SMIM13: variants seen among roughly 807,000 people sequenced by gnomAD.
SMIM13 encodes small integral membrane protein 13, also known as UPF0766 protein C6orf228.
In SMIM13, 3 loss-of-function variants were observed where a neutral mutation model predicts 5.9. The ratio of observed to expected loss-of-function variants is 0.51; its 90% CI spans 0.23 to 1.31. SMIM13 has a LOEUF of 1.31. Ranked by LOEUF, SMIM13 falls within the 40% of genes most tolerant of loss-of-function variation. The probability of loss-of-function intolerance (pLI) is 0.18; values close to 1 mark genes in which losing one functional copy is unlikely to be tolerated. For missense variants in SMIM13, 85 were observed against 109.9 expected (o/e 0.77, Z 1.01); for synonymous variants, 55 against 46.0 (o/e 1.19, Z -0.79).
At chr6:11,102,035 G>C (rs1758001400) in intron 1 of SMIM13, among the ~76,000 whole-genome samples, 1 of 152,132 alleles carries the variant, frequency 6.6e-6, no homozygotes, top group Non-Finnish European at 1.5e-5. Context: ...ACCACGCCTG[G>C]CCTCATCTTT....
At chr6:11,123,867 A>AT (rs889269421) in intron 1 of SMIM13, among the ~76,000 whole-genome samples, 40 of 152,260 alleles carry the variant, frequency 2.6e-4, no homozygotes, top group Non-Finnish European at 4.4e-4. Flanking sequence ...TATTGTATGT[A>AT]TTTTTTATTT....
intron 1 of SMIM13, among the ~76,000 whole-genome samples, chr6:11,098,168 C>T (rs992312798): frequency 4.6e-5 from 7 of 152,218 alleles, no homozygotes; most frequent in African/African-American, 1.4e-4. Context: ...ACTCCTTCAC[C>T]TAGTGAATTC....
At chr6:11,104,751 T>C (rs1239711861) in intron 1 of SMIM13, 3 of 1,614,254 alleles carry the variant, frequency 1.9e-6, no homozygotes, top group African/African-American at 2.7e-5. Flanking sequence ...GCTGGATTTA[T>C]CTAGCAAAGT....
chr6:11,103,265 T>C (rs745368811), intron 1 of SMIM13: 1 of 166,910 alleles, frequency 6.0e-6, no homozygotes. Context: ...AAGTGGCTGA[T>C]CACCAGCTTC....
At chr6:11,110,961 C>T (rs1017828509) in intron 1 of SMIM13, among the ~76,000 whole-genome samples, 8 of 152,124 alleles carry the variant, frequency 5.3e-5, no homozygotes, top group Non-Finnish European at 1.2e-4. Flanking sequence ...AAACATGGCC[C>T]TGGAGCATAA....
At position 11,134,868 on chromosome 6, in the gene SMIM13, G is replaced by A. The variant is rs1398839173; in HGVS notation, c.*266G>A. The A allele has an allele frequency of 7.5e-6, 2 of 266,378 alleles. No homozygotes were observed. Among genetic ancestry groups the A allele is most frequent in the Admixed American group, 1.0e-4 (2 of 19,498 alleles). The allele number at this position is 266,378 out of a possible 1,614,324, so 16.5% of individuals were successfully genotyped here. ...CTTTTGGGCTTATTTTCTTGCACTG[G>A]TGCAGATCTGGTAAACATTAAAGGC... On this transcript the variant is annotated 3_prime_UTR_variant, in exon 2 of 2. Transcript: ENST00000416247.
chr6:11,118,373 G>T lies in SMIM13; in HGVS notation c.77-16030G>T, dbSNP rs145175185. On this transcript the variant is annotated intron_variant, in intron 1 of 1. Coordinates refer to ENST00000416247, the MANE Select transcript of SMIM13 (RefSeq NM_001135575.2). ...CTCTTCAGAGCAGACATTGAGCTCT[G>T]TAATGAATCAATTGGTCAAATTAAT... 1.9e-3 allele frequency among the ~76,000 whole-genome samples: 291 copies of T among 152,326 alleles called. 3 individuals carry two copies. The highest frequency in any genetic ancestry group is 6.5e-3 in the African/African-American group (272 of 41,566).
chr6:11,103,568 C>G (rs1392835210), intron 1 of SMIM13: 6 of 1,392,586 alleles, frequency 4.3e-6, no homozygotes, highest in Non-Finnish European at 4.7e-6. Context: ...GTCTTGGCCT[C>G]TTGCTAGCTG....
chr6:11,123,888 A>G (rs1448221347), intron 1 of SMIM13, among the ~76,000 whole-genome samples: 1 of 152,228 alleles, frequency 6.6e-6, no homozygotes, highest in Non-Finnish European at 1.5e-5. Context: ...TTGTGGGTAC[A>G]TAGTAGGTAC....
chr6:11,129,183 C>T (rs1443743301), intron 1 of SMIM13, among the ~76,000 whole-genome samples: 2 of 152,068 alleles, frequency 1.3e-5, no homozygotes, highest in Non-Finnish European at 1.5e-5. Context: ...TTCATCCGCT[C>T]CCCACCTCAA....
Position 11,094,313 on chromosome 6 carries a change from G to C in SMIM13, c.-1G>C, listed in dbSNP as rs1179524970. On this transcript the variant is annotated 5_prime_UTR_variant, in exon 1 of 2. Coordinates refer to ENST00000416247, the MANE Select transcript of SMIM13 (RefSeq NM_001135575.2). ...GAGCCGACTGCCCTTCTGCCCCCAA[G>C]ATGTGGCACAGCGTCGGGCTGACTC... 1.3e-6 allele frequency: 2 copies of C among 1,495,006 alleles called. No homozygotes were observed. Among genetic ancestry groups the C allele is most frequent in the African/African-American group, 1.4e-5 (1 of 72,126 alleles). The allele number at this position is 1,495,006 out of a possible 1,614,324, so 92.6% of individuals were successfully genotyped here. A position where few individuals can be genotyped will look rare whatever the true frequency, so the allele number is the denominator to read the frequency against.
chr6:11,131,524 CTT>C lies in SMIM13; in HGVS notation c.77-2878_77-2877del, dbSNP rs59726856. ...GTATTCACATTTCCTGATTTTTAAACTTAGTATAAAGCTACTGTAACCAACAT... is the reference window on the plus strand; with the variant it reads ...GTATTCACATTTCCTGATTTTTAAACAGTATAAAGCTACTGTAACCAACAT... On this transcript the variant is annotated intron_variant, in intron 1 of 1. Coordinates refer to ENST00000416247, the MANE Select transcript of SMIM13 (RefSeq NM_001135575.2). Among the ~76,000 whole-genome samples the C allele has an allele frequency of 9.6e-3, 1,460 of 151,796 alleles. 27 individuals carry two copies. The highest frequency in any genetic ancestry group is 0.034 in the African/African-American group (1,387 of 41,350).
At chr6:11,118,160 C>T (rs1581917671) in intron 1 of SMIM13, among the ~76,000 whole-genome samples, 1 of 145,326 alleles carries the variant, frequency 6.9e-6, no homozygotes, top group South Asian at 2.1e-4. Flanking sequence ...CATGAACCAC[C>T]ACCTATGGCC....
chr6:11,122,892 T>C (rs935162716), intron 1 of SMIM13, among the ~76,000 whole-genome samples: 1 of 152,066 alleles, frequency 6.6e-6, no homozygotes, highest in African/African-American at 2.4e-5. Context: ...CTGTTCCCTC[T>C]ACTCCCCTCT....
In SMIM13 at chr6:11,125,279, A is replaced by G. The variant is rs535785423; in HGVS notation, c.77-9124A>G. Among the ~76,000 whole-genome samples, 14 of 118,966 alleles carry G rather than the reference A, an allele frequency of 1.2e-4. No homozygotes were observed. In the East Asian group the frequency reaches 3.9e-3, roughly 33 times the overall value. 78.0% of individuals were successfully genotyped at this position (118,966 alleles called of 152,430 possible). A position where few individuals can be genotyped will look rare whatever the true frequency, so the allele number is the denominator to read the frequency against. On this transcript the variant is annotated intron_variant, in intron 1 of 1. Transcript: ENST00000416247. ...TACTGCACTCCAGTCTGGGCAACAG[A>G]GTGAGACTCCATCTTAAAAAAAAAA...
At chr6:11,127,227 G>T (rs1018512712) in intron 1 of SMIM13, among the ~76,000 whole-genome samples, 9 of 152,208 alleles carry the variant, frequency 5.9e-5, no homozygotes, top group African/African-American at 2.2e-4. Flanking sequence ...TTAGGGTGGG[G>T]TGAGTTCTCC....
At chr6:11,095,727 C>G (rs185838492) in intron 1 of SMIM13, among the ~76,000 whole-genome samples, 30 of 152,300 alleles carry the variant, frequency 2.0e-4, no homozygotes, top group Admixed American at 6.5e-4. Context: ...CCTTTCTTTT[C>G]TGATGAGATA....
Position 11,128,650 on chromosome 6 carries a change from G to T in SMIM13, c.77-5753G>T, listed in dbSNP as rs147609756. 1.4e-4 allele frequency among the ~76,000 whole-genome samples: 21 copies of T among 152,172 alleles called. No individual in the cohort carries two copies. The East Asian group carries it at 3.9e-3, about 28-fold the overall frequency. Reference sequence around the variant, plus strand: ...TAGATTCCCTTTCAAGTTTATTGAGGTCCCCAGAGCACTTTAGCCCATGGT... The same window carrying T: ...TAGATTCCCTTTCAAGTTTATTGAGTTCCCCAGAGCACTTTAGCCCATGGT... On this transcript the variant is annotated intron_variant, in intron 1 of 1. Coordinates refer to ENST00000416247, the MANE Select transcript of SMIM13 (RefSeq NM_001135575.2).
At chr6:11,120,235 G>A (rs532789872) in intron 1 of SMIM13, among the ~76,000 whole-genome samples, 92 of 152,256 alleles carry the variant, frequency 6.0e-4, no homozygotes, top group African/African-American at 1.9e-3. Flanking sequence ...AAATACCTTG[G>A]GTAGTGTGTC....
Sources: allele counts gnomAD v4.1 joint callset (sites outside exome capture counted in the v4.1 genomes callset), GRCh38; gene constraint gnomAD v4.1.1; transcripts MANE v1.5; gene names NCBI Gene and HGNC (gene_info 2026-07-23, HGNC 2026-07-21).